Variants in KIF1A observed in about 807,000 individuals in gnomAD.
KIF1A encodes the protein kinesin family member 1A.
A neutral mutation model predicts 227.3 loss-of-function variants in KIF1A; 46 were observed. That is an observed-to-expected ratio of 0.20 (90% confidence interval 0.16 to 0.26). The LOEUF (loss-of-function observed/expected upper bound fraction) is 0.26, where lower values mean the gene tolerates loss of function less well. KIF1A is among the 10% of genes least tolerant of loss of function. KIF1A has a pLI of 1.00. For synonymous variants in KIF1A, 1,022 were observed against 1,012.8 expected (o/e 1.01, Z -0.17); for missense variants, 1,683 against 2,485.9 (o/e 0.68, Z 6.87).
In KIF1A at chr2:240,775,100, A is replaced by G. The variant is rs1371577826; in HGVS notation, c.958+751T>C. On this transcript the variant is annotated intron_variant, in intron 11 of 48. Coordinates refer to ENST00000498729, the MANE Select transcript of KIF1A (RefSeq NM_001244008.2). This position sits in a 1 kb window ranked among gnomAD's most constrained non-coding sequence, Gnocchi z 5.5. ...GCCCACGTCTCAGGTGAAGGAACAC[A>G]CTCTCCTCCTCTCTCAGCGGGGCCC... Among the ~76,000 whole-genome samples the G allele has an allele frequency of 1.3e-5, 2 of 151,796 alleles. No individual in the cohort carries two copies. The highest frequency in any genetic ancestry group is 2.9e-5 in the Non-Finnish European group (2 of 67,946).
chr2:240,742,154 A>T (rs999069634), intron 34 of KIF1A, among the ~76,000 whole-genome samples: 1 of 152,174 alleles, frequency 6.6e-6, no homozygotes, highest in Non-Finnish European at 1.5e-5. Flanking sequence ...CCTTCATCTT[A>T]CAGGGGTTCC....
In KIF1A at chr2:240,760,686, T is replaced by C. The variant is rs1346996612; in HGVS notation, c.2423A>G (p.Tyr808Cys). The change falls in exon 25 of 49, where the codon TAC (tyrosine) becomes TGC (cysteine). Residue 808 changes from tyrosine (Y) to cysteine (C), a missense_variant. Tyr to Cys is a radical substitution (Grantham distance 194, BLOSUM62 -2). This residue lies in a region of KIF1A where 759 missense variants were observed against 1,020.2 expected (regional missense o/e 0.74). Coordinates refer to ENST00000498729, the MANE Select transcript of KIF1A (RefSeq NM_001244008.2). ...CCACCTGAGCTTCTCCAGCGTCCAGTAGTGGGTGGCCCCGTTCTTCTGGTC... is the reference window on the plus strand; with the variant it reads ...CCACCTGAGCTTCTCCAGCGTCCAGCAGTGGGTGGCCCCGTTCTTCTGGTC... ...VQDQKNGATH[Y>C]WTLEKLRQRL... The C allele has an allele frequency of 7.0e-6, 11 of 1,563,708 alleles. No individual in the cohort carries two copies. The East Asian group carries it at 1.9e-4, about 27-fold the overall frequency.
intron 38 of KIF1A, among the ~76,000 whole-genome samples, chr2:240,733,846 C>A (rs1348279218): frequency 6.6e-6 from 1 of 152,248 alleles, no homozygotes; most frequent in Non-Finnish European, 1.5e-5. Flanking sequence ...TGACGCTGGC[C>A]ACAGTCATGC....
At chr2:240,811,540 C>T (rs949308254) in intron 1 of KIF1A, among the ~76,000 whole-genome samples, 20 of 151,894 alleles carry the variant, frequency 1.3e-4, no homozygotes, top group Admixed American at 3.9e-4. Context: ...CCTGAGAAGG[C>T]GGGGGGTTGC....
In KIF1A at chr2:240,741,749, C is replaced by A. The variant is rs1408546941; in HGVS notation, c.3641-372G>T. Among the ~76,000 whole-genome samples the A allele has an allele frequency of 5.9e-5, 9 of 152,220 alleles. No individual in the cohort carries two copies. In the South Asian group the frequency reaches 1.2e-3, roughly 21 times the overall value. On this transcript the variant is annotated intron_variant, in intron 34 of 48. Coordinates refer to ENST00000498729, the MANE Select transcript of KIF1A (RefSeq NM_001244008.2). ...CTCACGGGGCCGCTCTGCCATGCTG[C>A]CAGGCCCATTGCCTACACCACACCT...
chr2:240,801,724 A>G (rs2056988053), intron 1 of KIF1A, among the ~76,000 whole-genome samples: 1 of 152,158 alleles, frequency 6.6e-6, no homozygotes, highest in Admixed American at 6.5e-5. Context: ...AATGCCAGAG[A>G]CACCCCTCAG....
chr2:240,788,460 G>A lies in KIF1A; in HGVS notation c.184-230C>T, dbSNP rs1254928265. ...GAGCGGCCAGCCAGGCAGGAGGCAG[G>A]ACGGGTTCCAGCAGAGGGAACAGCA... On this transcript the variant is annotated intron_variant, in intron 3 of 48. Transcript: ENST00000498729. This position sits in a 1 kb window ranked among gnomAD's most constrained non-coding sequence, Gnocchi z 6.6. Among the ~76,000 whole-genome samples, 3 of 152,182 alleles carry A rather than the reference G, an allele frequency of 2.0e-5. No homozygotes were observed. Among genetic ancestry groups the A allele is most frequent in the Non-Finnish European group, 2.9e-5 (2 of 68,028 alleles).
chr2:240,786,691 G>A (rs2054842952), intron 5 of KIF1A, among the ~76,000 whole-genome samples, 178 bp from the exon 6 acceptor site: 1 of 122,832 alleles, frequency 8.1e-6, no homozygotes, highest in African/African-American at 2.9e-5. Flanking sequence ...CCCCTGAGGG[G>A]ATGGGAGCCA....
At chr2:240,796,864 G>A (rs997247720) in intron 2 of KIF1A, among the ~76,000 whole-genome samples, 26 of 151,762 alleles carry the variant, frequency 1.7e-4, no homozygotes, top group Admixed American at 1.4e-3. Context: ...ACCTAGGGAG[G>A]AAGCTTCCAT....
rs114406002 is a variant in KIF1A at position 240,758,864 on chromosome 2, C to T, written c.2445-367G>A. Among the ~76,000 whole-genome samples the T allele has an allele frequency of 0.019, 2,920 of 152,238 alleles. 49 individuals are homozygous for T. Among genetic ancestry groups the T allele is most frequent in the Non-Finnish European group, 0.024 (1,664 of 68,024 alleles). On this transcript the variant is annotated intron_variant, in intron 25 of 48. Transcript: ENST00000498729. The surrounding 1 kb of genome is among the most constrained non-coding windows in gnomAD (Gnocchi z 5.2). ...AAGCTCAGAAACGGGGATCAGGCCA[C>T]AGAGGCGCAAGAGCTCGAGGAATAA...
chr2:240,726,190 G>A lies in KIF1A; in HGVS notation c.4122+636C>T, dbSNP rs574997713. ...ACTGCAGACTCTGGGGGTGCTGTGGGGATGGAACACTTCTGTTTTTGTGCT... is the reference window on the plus strand; with the variant it reads ...ACTGCAGACTCTGGGGGTGCTGTGGAGATGGAACACTTCTGTTTTTGTGCT... On this transcript the variant is annotated intron_variant, in intron 39 of 48. Transcript: ENST00000498729. The surrounding 1 kb of genome is among the most constrained non-coding windows in gnomAD (Gnocchi z 5.2). 6.6e-6 allele frequency among the ~76,000 whole-genome samples: 1 copy of A among 152,338 alleles called. No individual in the cohort carries two copies. Among genetic ancestry groups the A allele is most frequent in the South Asian group, 2.1e-4 (1 of 4,818 alleles).
chr2:240,785,190 CG>C (rs112508829), intron 6 of KIF1A, 90 bp from the exon 7 acceptor site: 164 of 1,039,370 alleles, frequency 1.6e-4, no homozygotes, highest in Middle Eastern at 3.1e-4. Context: ...ACCAGGTCAT[CG>C]GGGGGGGCAG....
At position 240,751,801 on chromosome 2, in the gene KIF1A, A is replaced by G. The variant is rs368129824; in HGVS notation, c.2859-1254T>C. On this transcript the variant is annotated intron_variant, in intron 27 of 48. Coordinates refer to ENST00000498729, the MANE Select transcript of KIF1A (RefSeq NM_001244008.2). ...ACAGTCAAGCTCAGCCTTGTGGCCC[A>G]TGGGTCCATGGATGCCCCGGGTGTC... Among the ~76,000 whole-genome samples, 77 of 151,874 alleles carry G rather than the reference A, an allele frequency of 5.1e-4. No individual in the cohort carries two copies. In the East Asian group the frequency reaches 0.014, roughly 27 times the overall value.
intron 19 of KIF1A, 150 bp from the exon 20 acceptor site, chr2:240,765,943 A>G: frequency 1.6e-6 from 1 of 643,460 alleles, no homozygotes; most frequent in Non-Finnish European, 2.8e-6. Flanking sequence ...GGCAACACTC[A>G]TTTGGGCCTC....
intron 13 of KIF1A, 29 bp downstream of exon 13, chr2:240,773,085 G>A (rs780882739): frequency 1.3e-6 from 2 of 1,590,652 alleles, no homozygotes; most frequent in Admixed American, 3.5e-5. Flanking sequence ...CCACAACCCT[G>A]TCCAGGACAG....
At chr2:240,807,838 A>G (rs2057555146) in intron 1 of KIF1A, among the ~76,000 whole-genome samples, 1 of 152,250 alleles carries the variant, frequency 6.6e-6, no homozygotes, top group East Asian at 1.9e-4. Context: ...ATATTCCAGG[A>G]ATACCAGTAT....
rs114415611 is a variant in KIF1A, at chr2:240,794,361, C to T, written c.106+3286G>A. 5.9e-3 allele frequency among the ~76,000 whole-genome samples: 897 copies of T among 152,334 alleles called. 11 individuals carry two copies. Among genetic ancestry groups the T allele is most frequent in the African/African-American group, 0.02 (843 of 41,562 alleles). ...TCTTCGGCCACTCTTTTCCCTCCCCCGCACCCTGCTGTCTCCCATGCACGT... is the reference window on the plus strand; with the variant it reads ...TCTTCGGCCACTCTTTTCCCTCCCCTGCACCCTGCTGTCTCCCATGCACGT... On this transcript the variant is annotated intron_variant, in intron 2 of 48. Coordinates refer to ENST00000498729, the MANE Select transcript of KIF1A (RefSeq NM_001244008.2).
In KIF1A at chr2:240,716,980, A is replaced by G. The variant is rs2044646629; in HGVS notation, c.*384T>C. 1 of 200,054 alleles carries G rather than the reference A, an allele frequency of 5.0e-6. No individual in the cohort carries two copies. Among genetic ancestry groups the G allele is most frequent in the Admixed American group, 5.7e-5 (1 of 17,396 alleles). 12.4% of individuals were successfully genotyped at this position (200,054 alleles called of 1,614,324 possible). A position where few individuals can be genotyped will look rare whatever the true frequency, so the allele number is the denominator to read the frequency against. On this transcript the variant is annotated 3_prime_UTR_variant, in exon 49 of 49. Coordinates refer to ENST00000498729, the MANE Select transcript of KIF1A (RefSeq NM_001244008.2). The stretch of plus-strand genomic sequence containing the variant: ...AGGCATTAGAAATAAATACTTATAA[A>G]TAGAACAAGTCTTATAGTTAATTTC...
At chr2:240,786,194 C>T (rs148190838) in intron 6 of KIF1A, 141 bp downstream of exon 6, 11 of 789,890 alleles carry the variant, frequency 1.4e-5, no homozygotes, top group African/African-American at 1.4e-4. Context: ...GCCTAAACGA[C>T]CTCGGGCTCA....
Sources: allele counts gnomAD v4.1 joint callset (sites outside exome capture counted in the v4.1 genomes callset), GRCh38; gene constraint gnomAD v4.1.1; regional missense constraint gnomAD v4.1.1; non-coding constraint Gnocchi (gnomAD v3.1); transcripts MANE v1.5; gene names NCBI Gene and HGNC (gene_info 2026-07-23, HGNC 2026-07-21).